Variants in EGFLAM observed in about 807,000 individuals in gnomAD.
EGFLAM encodes the protein EGF like, fibronectin type III and laminin G domains.
EGFLAM carries 79 observed loss-of-function variants against 113.1 expected under a neutral mutation model. That is an observed-to-expected ratio of 0.70 (90% CI 0.58 to 0.84). The LOEUF (loss-of-function observed/expected upper bound fraction) is 0.84. Ranked by LOEUF, EGFLAM falls within the 40% of genes least tolerant of loss-of-function variation. The pLI, the probability that EGFLAM is intolerant of heterozygous loss-of-function variation, is 0.00. For missense variants in EGFLAM, 1,265 were observed against 1,291.6 expected (o/e 0.98, Z 0.32); for synonymous variants, 504 against 487.6 (o/e 1.03, Z -0.44).
At position 38,435,195 on chromosome 5, in the gene EGFLAM, A is replaced by G. The variant is rs1033367017; in HGVS notation, c.2225A>G (p.Tyr742Cys). ...ATTTTCATTGGCGGAGTCCCCAATT[A>G]TGATGATGTGAAGAAGAACTCGGGT... Reference protein sequence around the residue: ...TDIFIGGVPNYDDVKKNSGVL... With the variant: ...TDIFIGGVPNCDDVKKNSGVL... Residue 742 changes from tyrosine (Y) to cysteine (C), a missense_variant, in exon 16 of 22, where the codon TAT (tyrosine) becomes TGT (cysteine). Coordinates refer to ENST00000322350, the MANE Select transcript of EGFLAM (RefSeq NM_152403.4). 2 of 1,614,168 alleles carry G rather than the reference A, an allele frequency of 1.2e-6. No homozygotes were observed. Among genetic ancestry groups the G allele is most frequent in the Non-Finnish European group, 1.7e-6 (2 of 1,180,026 alleles).
intron 9 of EGFLAM, among the ~76,000 whole-genome samples, chr5:38,408,316 A>G (rs554998746): frequency 7.9e-5 from 12 of 152,230 alleles, no homozygotes; most frequent in African/African-American, 1.4e-4. Flanking sequence ...AACAAATAGA[A>G]AACTTTTCTT....
At chr5:38,441,507 C>T (rs1376616392) in intron 17 of EGFLAM, among the ~76,000 whole-genome samples, 1 of 151,856 alleles carries the variant, frequency 6.6e-6, no homozygotes, top group African/African-American at 2.4e-5. Context: ...GCTTGTGTAT[C>T]TAAGTAAGTT....
At chr5:38,395,221 T>C (rs1740927926) in intron 6 of EGFLAM, among the ~76,000 whole-genome samples, 1 of 149,438 alleles carries the variant, frequency 6.7e-6, no homozygotes, top group African/African-American at 2.5e-5. Context: ...ATTATAGGTG[T>C]GAGCCACCAT....
intron 17 of EGFLAM, among the ~76,000 whole-genome samples, chr5:38,440,558 A>C (rs1196766017): frequency 1.3e-5 from 2 of 152,214 alleles, no homozygotes; most frequent in African/African-American, 4.8e-5. Context: ...GATGCAAGAG[A>C]ATACATAGAA....
intron 1 of EGFLAM, chr5:38,291,082 CA>C (rs34245209): frequency 0.12 from 17,952 of 151,424 alleles, 1,240 homozygotes; most frequent in African/African-American, 0.18. Flanking sequence ...ACTCCGTCTC[CA>C]AAAAAAACAA....
chr5:38,331,701 CCTATT>C (rs1424153272), intron 1 of EGFLAM, among the ~76,000 whole-genome samples: 4 of 152,090 alleles, frequency 2.6e-5, no homozygotes, highest in Non-Finnish European at 5.9e-5. Context: ...CTTCACTTAG[CCTATT>C]CTAAGGCTAA....
intron 1 of EGFLAM, among the ~76,000 whole-genome samples, chr5:38,321,830 G>T (rs1324929429): frequency 6.6e-6 from 1 of 152,194 alleles, no homozygotes; most frequent in African/African-American, 2.4e-5. Context: ...TGACACTGGT[G>T]CATGGAGCAC....
chr5:38,352,228 C>T lies in EGFLAM; in HGVS notation c.442C>T (p.Pro148Ser). ...CCTGCCTCCTGCAGCTCCCCAGCAG[C>T]CACATGTCATTGTGGTTTCGGATTC... The part of the protein sequence containing the change: ...SCLPPAAPQQ[P>S]HVIVVSDSEV... Residue 148 changes from proline to serine, a missense_variant, in exon 5 of 22, where the codon CCA (proline) becomes TCA (serine). Transcript: ENST00000322350. 1.2e-6 allele frequency: 2 copies of T among 1,614,132 alleles called. No individual in the cohort carries two copies. The highest frequency in any genetic ancestry group is 1.7e-6 in the Non-Finnish European group (2 of 1,180,006).
chr5:38,310,743 T>G (rs972980361), intron 1 of EGFLAM, among the ~76,000 whole-genome samples: 9 of 152,186 alleles, frequency 5.9e-5, no homozygotes, highest in Admixed American at 1.3e-4. Flanking sequence ...GTGGCAGATG[T>G]AGTGATATAG....
At position 38,407,157 on chromosome 5, in the gene EGFLAM, G is replaced by T; in HGVS notation, c.1147+11G>T. 1 of 1,579,240 alleles carries T rather than the reference G, an allele frequency of 6.3e-7. No individual in the cohort carries two copies. Among genetic ancestry groups the T allele is most frequent in the African/African-American group, 1.9e-5 (1 of 51,600 alleles). ...AGAGCTGCTCAGAAGGTAGGCCCTT[G>T]GGGGAGAGGAAGAAGTGGTGATGAA... is the stretch of plus-strand genomic sequence containing the variant. On this transcript the variant is annotated intron_variant, in intron 8 of 21. Coordinates refer to ENST00000322350, the MANE Select transcript of EGFLAM (RefSeq NM_152403.4).
intron 1 of EGFLAM, among the ~76,000 whole-genome samples, chr5:38,295,501 C>T (rs1758433169): frequency 6.6e-6 from 1 of 152,146 alleles, no homozygotes; most frequent in Non-Finnish European, 1.5e-5. Flanking sequence ...CACCCCTTTT[C>T]CTTGCTTCAG....
chr5:38,406,818 C>A lies in EGFLAM; in HGVS notation c.829-10C>A. On this transcript the variant is annotated splice_polypyrimidine_tract_variant and intron_variant, in intron 7 of 21. Coordinates refer to ENST00000322350, the MANE Select transcript of EGFLAM (RefSeq NM_152403.4). The stretch of plus-strand genomic sequence containing the variant: ...GTTCATCTTGAACCCCTTTCCTTCT[C>A]TGGCTTTAGGTTAAACCACTTCCTG... 6.2e-7 allele frequency: 1 copy of A among 1,609,744 alleles called. No individual in the cohort carries two copies. The highest frequency in any genetic ancestry group is 1.1e-5 in the South Asian group (1 of 90,812).
Position 38,438,393 on chromosome 5 carries a change from C to T in EGFLAM, c.2402C>T (p.Pro801Leu). The T allele has an allele frequency of 1.2e-6, 2 of 1,613,950 alleles. No individual in the cohort carries two copies. Among genetic ancestry groups the T allele is most frequent in the Non-Finnish European group, 1.7e-6 (2 of 1,179,924 alleles). The change falls in exon 17 of 22, where the codon CCC (proline) becomes CTC (leucine). Residue 801 changes from proline (P) to leucine (L), a missense_variant. By Grantham distance (98) the Pro-to-Leu change is moderately conservative (BLOSUM62 -3). Coordinates refer to ENST00000322350, the MANE Select transcript of EGFLAM (RefSeq NM_152403.4). ...TGTGCCCATGGGGGCAGCTGCCGGCCCAGGAAGGAGGGCTATGACTGTGAC... is the reference window on the plus strand; with the variant it reads ...TGTGCCCATGGGGGCAGCTGCCGGCTCAGGAAGGAGGGCTATGACTGTGAC... ...APCAHGGSCRPRKEGYDCDCP... is the reference protein window; with the variant it reads ...APCAHGGSCRLRKEGYDCDCP...
intron 18 of EGFLAM, 164 bp downstream of exon 18, chr5:38,448,543 A>C: frequency 1.5e-6 from 1 of 677,228 alleles, no homozygotes; most frequent in Non-Finnish European, 2.5e-6. Context: ...ATAAACATAG[A>C]AACTAGAGCA....
intron 1 of EGFLAM, among the ~76,000 whole-genome samples, chr5:38,298,760 G>A (rs1215425470): frequency 6.6e-6 from 1 of 152,062 alleles, no homozygotes; most frequent in East Asian, 1.9e-4. Flanking sequence ...GAGTGCAGTG[G>A]TGTAATCATG....
At chr5:38,272,371 A>G (rs949997983) in intron 1 of EGFLAM, among the ~76,000 whole-genome samples, 3 of 152,156 alleles carry the variant, frequency 2.0e-5, no homozygotes, top group Non-Finnish European at 4.4e-5. Context: ...TCCTTCCCCC[A>G]TTTGTCTTTA....
chr5:38,435,804 CTCTT>C (rs1343688784), intron 16 of EGFLAM, among the ~76,000 whole-genome samples: 1 of 135,322 alleles, frequency 7.4e-6, no homozygotes, highest in Non-Finnish European at 1.5e-5. Context: ...CCCCGGCTCT[CTCTT>C]TTTTTTTTTT....
intron 4 of EGFLAM, 27 bp downstream of exon 4, chr5:38,350,645 G>A: frequency 6.2e-7 from 1 of 1,600,162 alleles, no homozygotes; most frequent in South Asian, 1.1e-5. Flanking sequence ...TTCATTAATA[G>A]GTGGCAGGCT....
At chr5:38,450,656 A>C (rs1742882672) in intron 18 of EGFLAM, among the ~76,000 whole-genome samples, 1 of 152,238 alleles carries the variant, frequency 6.6e-6, no homozygotes, top group Non-Finnish European at 1.5e-5. Context: ...GTCTATTCCC[A>C]AGCATTGCTA....
Sources: allele counts gnomAD v4.1 joint callset (sites outside exome capture counted in the v4.1 genomes callset), GRCh38; gene constraint gnomAD v4.1.1; transcripts MANE v1.5; gene names NCBI Gene and HGNC (gene_info 2026-07-23, HGNC 2026-07-21).